SPPL2A: variants seen among roughly 807,000 people sequenced by gnomAD.
SPPL2A encodes signal peptide peptidase-like 2A.
SPPL2A carries 51 observed loss-of-function variants against 63.8 expected under a neutral mutation model. That is an observed-to-expected ratio of 0.80 (90% CI 0.64 to 1.01). SPPL2A has a LOEUF of 1.01. Ranked by LOEUF, SPPL2A falls within the 50% of genes least tolerant of loss-of-function variation. The pLI, the probability that SPPL2A is intolerant of heterozygous loss-of-function variation, is 0.00. For synonymous variants in SPPL2A, 188 were observed against 205.8 expected, an observed-to-expected ratio of 0.91 and a Z score of 0.74; for missense variants, 553 against 622.7, an observed-to-expected ratio of 0.89 and a Z score of 1.19.
chr15:50,725,479 C>A (rs1402480800), intron 11 of SPPL2A, 156 bp from the exon 12 acceptor site: 6 of 532,170 alleles, frequency 1.1e-5, no homozygotes, highest in Non-Finnish European at 2.0e-5. Context: ...AGTGCAGTGG[C>A]GTGATCTCAG....
At chr15:50,737,259 A>G (rs1217562754) in intron 6 of SPPL2A, among the ~76,000 whole-genome samples, 1 of 152,144 alleles carries the variant, frequency 6.6e-6, no homozygotes, top group East Asian at 1.9e-4. Context: ...CTTACCAAAA[A>G]CTAAAATATG....
In SPPL2A at chr15:50,739,729, G is replaced by T; in HGVS notation, c.684C>A (p.Val228=). ...FSPLTVVIFV[V]ICCVMMVLLY... is the part of the protein sequence containing the mutation. ...GTAAGACCATCATAACACAGCAGAT[G>T]ACCACAAATATTACAACTGTAAGAG... Residue 228 remains valine, a synonymous_variant, in exon 6 of 15, where the codon GTC becomes GTA. Transcript: ENST00000261854. The T allele has an allele frequency of 6.2e-7, 1 of 1,601,676 alleles. No homozygotes were observed.
intron 6 of SPPL2A, among the ~76,000 whole-genome samples, chr15:50,736,977 T>C (rs2062776314): frequency 6.6e-6 from 1 of 151,520 alleles, no homozygotes; most frequent in Non-Finnish European, 1.5e-5. Flanking sequence ...AGTGGTGTAA[T>C]CTCGGCTCTC....
chr15:50,738,405 C>T (rs1447658404), intron 6 of SPPL2A, among the ~76,000 whole-genome samples: 1 of 151,384 alleles, frequency 6.6e-6, no homozygotes, highest in African/African-American at 2.4e-5. Context: ...AAAAATTAGT[C>T]GGGCACAGTG....
At chr15:50,717,952 C>G (rs2062610000) in intron 14 of SPPL2A, among the ~76,000 whole-genome samples, 1 of 122,718 alleles carries the variant, frequency 8.1e-6, no homozygotes, top group Admixed American at 7.8e-5. Flanking sequence ...CTATTCCTCA[C>G]TAGACTGTAA....
chr15:50,763,820 C>T (rs2063033834), intron 1 of SPPL2A, among the ~76,000 whole-genome samples: 1 of 152,106 alleles, frequency 6.6e-6, no homozygotes, highest in East Asian at 1.9e-4. Flanking sequence ...ATTGCTTGAA[C>T]CTGGGAGGCG....
chr15:50,751,612 T>C (rs1426796443), intron 1 of SPPL2A, among the ~76,000 whole-genome samples: 1 of 152,190 alleles, frequency 6.6e-6, no homozygotes, highest in Non-Finnish European at 1.5e-5. Context: ...TTCTCTAGTG[T>C]AAAGACATGT....
rs1353033310 is a variant in SPPL2A at position 50,722,137 on chromosome 15, A to C, written c.1314T>G (p.Val438=). The part of the protein sequence containing the change: ...VQTGSSYIYY[V]SSTVAYAIGM... ...ACAAAAATTTACCAACTGTAGACGA[A>C]ACATAGTATATGTAAGAAGAACCAG... Residue 438 remains valine, a synonymous_variant, in exon 13 of 15, where the codon GTT becomes GTG. Transcript: ENST00000261854. The C allele has an allele frequency of 1.3e-6, 2 of 1,576,256 alleles. No individual in the cohort carries two copies. The highest frequency in any genetic ancestry group is 2.7e-5 in the African/African-American group (2 of 74,208).
chr15:50,753,873 T>G (rs1262455280), intron 1 of SPPL2A, among the ~76,000 whole-genome samples: 1 of 152,100 alleles, frequency 6.6e-6, no homozygotes, highest in Non-Finnish European at 1.5e-5. Context: ...CTCGGCTCAC[T>G]GCAATCTCCG....
intron 6 of SPPL2A, among the ~76,000 whole-genome samples, 167 bp from the exon 7 acceptor site, chr15:50,736,907 G>GTTTTTTTTTTTTTT (rs35812835): frequency 6.6e-6 from 1 of 150,506 alleles, no homozygotes. Context: ...AGATCGTGAG[G>GTTTTTTTTTTTTTT]TTTTTTGTTT....
chr15:50,712,633 TCCTTCCTTTCCTTCCTTTCCTC>T, intron 14 of SPPL2A, among the ~76,000 whole-genome samples: 1 of 149,062 alleles, frequency 6.7e-6, no homozygotes, highest in Non-Finnish European at 1.5e-5. Context: ...TGGATTTCCT[TCCTTCCTTTCCTTCCTTTCCTC>T]CCTTCCTCCC....
chr15:50,723,955 A>C (rs1198141499), intron 12 of SPPL2A, among the ~76,000 whole-genome samples: 5 of 152,162 alleles, frequency 3.3e-5, no homozygotes, highest in Non-Finnish European at 7.3e-5. Context: ...CATTTACTTC[A>C]ATAATGTAGT....
chr15:50,761,125 T>G (rs2063007437), intron 1 of SPPL2A, among the ~76,000 whole-genome samples: 1 of 152,118 alleles, frequency 6.6e-6, no homozygotes, highest in Non-Finnish European at 1.5e-5. Flanking sequence ...TCCTCCTACC[T>G]CAGCCTCCCA....
At chr15:50,741,939 G>A (rs1171700615) in intron 5 of SPPL2A, among the ~76,000 whole-genome samples, 1 of 151,252 alleles carries the variant, frequency 6.6e-6, no homozygotes, top group African/African-American at 2.4e-5. Flanking sequence ...CCGCACTCCA[G>A]CCTGGGTGAC....
chr15:50,757,989 T>TAA (rs71210386), intron 1 of SPPL2A, among the ~76,000 whole-genome samples: 4,806 of 61,252 alleles, frequency 0.078, 109 homozygotes, highest in East Asian at 0.24. Flanking sequence ...GTCTCAATTA[T>TAA]AAAAAAAAAA....
rs2062516438 is a variant in SPPL2A at position 50,707,250 on chromosome 15, CT to C, written c.*549del. 6.6e-6 allele frequency: 1 copy of C among 152,296 alleles called. No homozygotes were observed. Among genetic ancestry groups the C allele is most frequent in the African/African-American group, 2.4e-5 (1 of 41,436 alleles). The allele number at this position is 152,296 out of a possible 1,614,324, so 9.4% of individuals were successfully genotyped here. A position where few individuals can be genotyped will look rare whatever the true frequency, so the allele number is the denominator to read the frequency against. On this transcript the variant is annotated 3_prime_UTR_variant, in exon 15 of 15. Transcript: ENST00000261854. Reference sequence around the variant, plus strand: ...TCTCCTGTCTCAGCCTTCCCAGTAGCTGGGACTACAGGCACCCTCCACCACG... The same window carrying C: ...TCTCCTGTCTCAGCCTTCCCAGTAGCGGGACTACAGGCACCCTCCACCACG...
intron 1 of SPPL2A, among the ~76,000 whole-genome samples, chr15:50,752,635 T>C (rs745960164): frequency 2.0e-5 from 3 of 152,058 alleles, no homozygotes; most frequent in South Asian, 2.1e-4. Context: ...GGAAAATTGC[T>C]TGAACCTGGG....
intron 4 of SPPL2A, 148 bp downstream of exon 4, chr15:50,747,965 G>A (rs2062872425): frequency 2.2e-6 from 1 of 463,446 alleles, no homozygotes; most frequent in African/African-American, 2.0e-5. Context: ...AATGAGAGAT[G>A]AGTACTTTCC....
In SPPL2A at chr15:50,722,271, G is replaced by A. The variant is rs1487290894; in HGVS notation, c.1250-70C>T. 7.1e-6 allele frequency: 6 copies of A among 848,360 alleles called. No homozygotes were observed. In the East Asian group the frequency reaches 1.5e-4, roughly 21 times the overall value. The allele number at this position is 848,360 out of a possible 1,614,324, so 52.6% of individuals were successfully genotyped here. A position where few individuals can be genotyped will look rare whatever the true frequency, so the allele number is the denominator to read the frequency against. ...AATGCAAATTCAATTGTTAACAATA[G>A]TAAGTATATGTTATATTGAATCTTC... On this transcript the variant is annotated intron_variant, in intron 12 of 14. Transcript: ENST00000261854.
Sources: allele counts gnomAD v4.1 joint callset (sites outside exome capture counted in the v4.1 genomes callset), GRCh38; gene constraint gnomAD v4.1.1; transcripts MANE v1.5; gene names NCBI Gene and HGNC (gene_info 2026-07-23, HGNC 2026-07-21).